EFNA5: variants seen among roughly 807,000 people sequenced by gnomAD.
The protein encoded by EFNA5 is ephrin A5, also known as ephrin-A5.
In EFNA5, 5 loss-of-function variants were observed where a neutral mutation model predicts 22.9. The ratio of observed to expected loss-of-function variants is 0.22; its 90% confidence interval spans 0.11 to 0.46. EFNA5 has a LOEUF of 0.46. EFNA5 is among the 20% of genes least tolerant of loss of function. The pLI, the probability that EFNA5 is intolerant of heterozygous loss-of-function variation, is 0.99. For missense variants in EFNA5, 237 were observed against 293.3 expected (o/e 0.81, Z 1.40); for synonymous variants, 113 against 112.2 (o/e 1.01, Z -0.04).
intron 1 of EFNA5, among the ~76,000 whole-genome samples, chr5:107,560,803 C>A (rs1748519414): frequency 6.6e-6 from 1 of 152,186 alleles, no homozygotes; most frequent in South Asian, 2.1e-4. Context: ...CTTGCTTAGA[C>A]AATGCATGGA....
chr5:107,606,231 G>T (rs6868042), intron 1 of EFNA5, among the ~76,000 whole-genome samples: 1 of 151,880 alleles, frequency 6.6e-6, no homozygotes. Flanking sequence ...CCAAACTGTG[G>T]TATTATTACC....
rs79315108 is a variant in EFNA5 at position 107,659,833 on chromosome 5, G to A, written c.125+10656C>T. Among the ~76,000 whole-genome samples the A allele has an allele frequency of 6.2e-3, 943 of 152,134 alleles. 12 individuals are homozygous for A. Among genetic ancestry groups the A allele is most frequent in the African/African-American group, 0.021 (852 of 41,534 alleles). On this transcript the variant is annotated intron_variant, in intron 1 of 4. Transcript: ENST00000333274. The stretch of plus-strand genomic sequence containing the variant: ...TCTCTCAGTTCATATTACAAAGGAA[G>A]AACGCTAAAATAGGGAGACCCTTCC...
chr5:107,521,444 C>T (rs1482566890), intron 1 of EFNA5, among the ~76,000 whole-genome samples: 2 of 147,076 alleles, frequency 1.4e-5, no homozygotes, highest in African/African-American at 2.5e-5. Flanking sequence ...AGGCATGTGC[C>T]ACCACACCTG....
rs1326287819 is a variant in EFNA5 at position 107,438,294 on chromosome 5, T to C, written c.126-10785A>G. On this transcript the variant is annotated intron_variant, in intron 1 of 4. Transcript: ENST00000333274. ...CAAACTTCTGCCTCTCATTGGCCCATTGCCATCCCAATTACACAGCTGAAC... is the reference window on the plus strand; with the variant it reads ...CAAACTTCTGCCTCTCATTGGCCCACTGCCATCCCAATTACACAGCTGAAC... Among the ~76,000 whole-genome samples the C allele has an allele frequency of 3.3e-5, 5 of 152,298 alleles. No homozygotes were observed. In the South Asian group the frequency reaches 6.2e-4, roughly 19 times the overall value.
At chr5:107,495,973 C>T (rs1034162235) in intron 1 of EFNA5, among the ~76,000 whole-genome samples, 3 of 152,012 alleles carry the variant, frequency 2.0e-5, no homozygotes, top group African/African-American at 7.2e-5. Flanking sequence ...CACCTCCTGA[C>T]TGCTTGTCCA....
At chr5:107,492,992 CAAAAAAAAA>C (rs34294325) in intron 1 of EFNA5, among the ~76,000 whole-genome samples, 1 of 99,376 alleles carries the variant, frequency 1.0e-5, no homozygotes, top group African/African-American at 3.3e-5. Flanking sequence ...GACTCCATCT[CAAAAAAAAA>C]AAAAAATACA....
At chr5:107,602,464 G>A (rs931467403) in intron 1 of EFNA5, among the ~76,000 whole-genome samples, 1 of 152,122 alleles carries the variant, frequency 6.6e-6, no homozygotes, top group African/African-American at 2.4e-5. Flanking sequence ...AAGGGAAAGT[G>A]GAATTGCTTC....
chr5:107,596,207 G>A (rs1749469821), intron 1 of EFNA5, among the ~76,000 whole-genome samples: 1 of 152,088 alleles, frequency 6.6e-6, no homozygotes, highest in East Asian at 1.9e-4. Flanking sequence ...TTAATTATAT[G>A]CACAATGTTT....
At chr5:107,529,972 A>AT in intron 1 of EFNA5, among the ~76,000 whole-genome samples, 2 of 152,322 alleles carry the variant, frequency 1.3e-5, no homozygotes, top group South Asian at 4.1e-4. Context: ...TCTCAAGAAC[A>AT]TTTTTAGGTT....
At chr5:107,402,252 C>T (rs1748106241) in intron 2 of EFNA5, among the ~76,000 whole-genome samples, 1 of 152,264 alleles carries the variant, frequency 6.6e-6, no homozygotes, top group East Asian at 1.9e-4. Flanking sequence ...TTTCTCATTA[C>T]AAGGATGGCA....
intron 1 of EFNA5, among the ~76,000 whole-genome samples, chr5:107,599,951 G>A (rs1323214508): frequency 2.0e-5 from 3 of 152,178 alleles, no homozygotes; most frequent in Non-Finnish European, 4.4e-5. Flanking sequence ...CTTCCCTTCA[G>A]GACTCTCCTC....
intron 1 of EFNA5, among the ~76,000 whole-genome samples, chr5:107,439,459 G>C (rs941526298): frequency 3.3e-5 from 5 of 152,118 alleles, no homozygotes; most frequent in Non-Finnish European, 7.4e-5. Context: ...GGGTGGTTTT[G>C]AATTACATTG....
At chr5:107,555,664 CA>C (rs1355682929) in intron 1 of EFNA5, among the ~76,000 whole-genome samples, 1 of 152,194 alleles carries the variant, frequency 6.6e-6, no homozygotes, top group Non-Finnish European at 1.5e-5. Context: ...GTAAGATATA[CA>C]CATTCTTCTA....
At chr5:107,413,385 C>T (rs763331511) in intron 2 of EFNA5, among the ~76,000 whole-genome samples, 2 of 152,074 alleles carry the variant, frequency 1.3e-5, no homozygotes, top group African/African-American at 4.8e-5. Flanking sequence ...AAATTGACTC[C>T]ATTTTCATCA....
intron 1 of EFNA5, among the ~76,000 whole-genome samples, chr5:107,446,559 C>G (rs1043133330): frequency 3.7e-4 from 56 of 152,058 alleles, no homozygotes; most frequent in African/African-American, 1.3e-3. Context: ...ACCAGACCAT[C>G]CTGGCTAACA....
intron 1 of EFNA5, among the ~76,000 whole-genome samples, chr5:107,639,368 A>T (rs1010760423): frequency 1.3e-5 from 2 of 152,204 alleles, no homozygotes; most frequent in African/African-American, 4.8e-5. Context: ...TCTGGAACCA[A>T]CTTCCACGGT....
chr5:107,584,759 A>G (rs998312042), intron 1 of EFNA5, among the ~76,000 whole-genome samples: 3 of 152,186 alleles, frequency 2.0e-5, no homozygotes, highest in African/African-American at 7.2e-5. Flanking sequence ...TTTCTAGTAT[A>G]TAGTAGGCAC....
At chr5:107,656,115 T>C (rs575126119) in intron 1 of EFNA5, among the ~76,000 whole-genome samples, 16 of 152,324 alleles carry the variant, frequency 1.1e-4, no homozygotes, top group African/African-American at 3.6e-4. Context: ...ATGTCGGTAT[T>C]CATTAATTTC....
intron 1 of EFNA5, among the ~76,000 whole-genome samples, chr5:107,497,124 A>T (rs1561412961): frequency 6.6e-6 from 1 of 152,240 alleles, no homozygotes; most frequent in East Asian, 1.9e-4. Flanking sequence ...TTGCCATGGT[A>T]TCGCGAGCAA....
Sources: allele counts gnomAD v4.1 joint callset (sites outside exome capture counted in the v4.1 genomes callset), GRCh38; gene constraint gnomAD v4.1.1; transcripts MANE v1.5; gene names NCBI Gene and HGNC (gene_info 2026-07-23, HGNC 2026-07-21).